The following SUPV3L1 variants were observed in gnomAD, a reference collection of about 807,000 sequenced individuals.
The protein encoded by SUPV3L1 is Suv3 like RNA helicase.
A neutral mutation model predicts 70.0 loss-of-function variants in SUPV3L1; 35 were observed. The ratio of observed to expected loss-of-function variants is 0.50; its 90% CI spans 0.38 to 0.66. The LOEUF (loss-of-function observed/expected upper bound fraction) is 0.66, where lower values mean the gene tolerates loss of function less well. Ranked by LOEUF, SUPV3L1 falls within the 30% of genes least tolerant of loss-of-function variation. The pLI is 0.00. For missense variants in SUPV3L1, 777 were observed against 961.5 expected, an observed-to-expected ratio of 0.81 and a Z score of 2.54; for synonymous variants, 364 against 341.9, an observed-to-expected ratio of 1.06 and a Z score of -0.71.
intron 5 of SUPV3L1, 125 bp from the exon 6 acceptor site, chr10:69,191,530 G>T: frequency 1.3e-6 from 1 of 768,976 alleles, no homozygotes. Flanking sequence ...TCTGGCCGTG[G>T]GAACATTATG....
At chr10:69,193,975 A>T (rs1450555449) in intron 6 of SUPV3L1, among the ~76,000 whole-genome samples, 1 of 152,202 alleles carries the variant, frequency 6.6e-6, no homozygotes, top group African/African-American at 2.4e-5. Flanking sequence ...CCAAGGAATT[A>T]TTCCTTCCAC....
chr10:69,190,197 A>G (rs1012994721), intron 5 of SUPV3L1, among the ~76,000 whole-genome samples: 2 of 152,224 alleles, frequency 1.3e-5, no homozygotes, highest in Admixed American at 6.5e-5. Flanking sequence ...CCTTTGCCCC[A>G]TCAGAGTTAA....
chr10:69,187,230 C>T (rs1361535384), intron 3 of SUPV3L1, among the ~76,000 whole-genome samples: 1 of 151,424 alleles, frequency 6.6e-6, no homozygotes, highest in Non-Finnish European at 1.5e-5. Context: ...TGGTTGCTAG[C>T]CAATTTCCTG....
intron 5 of SUPV3L1, among the ~76,000 whole-genome samples, chr10:69,189,754 C>T (rs184832500): frequency 3.4e-5 from 5 of 148,656 alleles, no homozygotes; most frequent in Non-Finnish European, 7.4e-5. Context: ...TCATGCCATT[C>T]TCTTGCCTCA....
chr10:69,191,371 G>C (rs1842392873), intron 5 of SUPV3L1, among the ~76,000 whole-genome samples: 1 of 151,668 alleles, frequency 6.6e-6, no homozygotes, highest in African/African-American at 2.4e-5. Context: ...TGGGACCACA[G>C]GTGTGCAACA....
chr10:69,207,335 T>C (rs1842857162), intron 13 of SUPV3L1, among the ~76,000 whole-genome samples: 1 of 152,156 alleles, frequency 6.6e-6, no homozygotes, highest in Non-Finnish European at 1.5e-5. Context: ...TTTTTGTTTT[T>C]TCTTTCTCCA....
chr10:69,195,162 G>A (rs539850597), intron 6 of SUPV3L1, 26 bp from the exon 7 acceptor site: 23 of 1,581,820 alleles, frequency 1.5e-5, no homozygotes, highest in Admixed American at 3.5e-5. Context: ...AGATGGTATT[G>A]CTCATGTTAA....
chr10:69,190,949 A>T (rs1030240379), intron 5 of SUPV3L1, among the ~76,000 whole-genome samples: 2 of 152,260 alleles, frequency 1.3e-5, no homozygotes, highest in African/African-American at 2.4e-5. Flanking sequence ...GATCACCCTG[A>T]TACAGCATTA....
intron 5 of SUPV3L1, among the ~76,000 whole-genome samples, chr10:69,190,278 T>TA: frequency 6.6e-6 from 1 of 152,348 alleles, no homozygotes; most frequent in South Asian, 2.1e-4. Flanking sequence ...GAGCTAATGA[T>TA]AAAGACTGAA....
In SUPV3L1 at chr10:69,198,543, C is replaced by A; in HGVS notation, c.1195C>A (p.Leu399Ile). 1 of 1,613,516 alleles carries A rather than the reference C, an allele frequency of 6.2e-7. No homozygotes were observed. The highest frequency in any genetic ancestry group is 8.5e-7 in the Non-Finnish European group (1 of 1,179,860). Residue 399 changes from leucine to isoleucine, a missense_variant, in exon 9 of 15, where the codon CTC (leucine) becomes ATC (isoleucine). This residue lies in a region of SUPV3L1 where 619 missense variants were observed against 823.3 expected (regional missense o/e 0.75). Coordinates refer to ENST00000359655, the MANE Select transcript of SUPV3L1 (RefSeq NM_003171.5). ...AGAATCAGCTGTTATATATGGCAGT[C>A]TCCCACCTGGTAATTATTGACTTTC... ...GLESAVIYGS[L>I]PPGTKLAQAK...
At position 69,180,304 on chromosome 10, in the gene SUPV3L1, C is replaced by A. The variant is rs1842010747; in HGVS notation, c.13C>A (p.Arg5Ser). MSFSRALLWARLPAG... is the reference protein window; with the variant it reads MSFSSALLWARLPAG... ...ACCTGCGGCCTCGATGTCCTTCTCC[C>A]GTGCCCTATTGTGGGCTCGGCTCCC... Residue 5 changes from arginine to serine, a missense_variant, in exon 1 of 15, where the codon CGT becomes AGT. Physicochemically the swap from Arg to Ser is moderately radical, Grantham distance 110 (BLOSUM62 -1). Coordinates refer to ENST00000359655, the MANE Select transcript of SUPV3L1 (RefSeq NM_003171.5). The A allele has an allele frequency of 3.7e-6, 6 of 1,613,664 alleles. No homozygotes were observed. Among genetic ancestry groups the A allele is most frequent in the Non-Finnish European group, 5.1e-6 (6 of 1,179,918 alleles).
intron 4 of SUPV3L1, among the ~76,000 whole-genome samples, chr10:69,188,988 A>G (rs956665681): frequency 6.6e-6 from 1 of 152,194 alleles, no homozygotes; most frequent in African/African-American, 2.4e-5. Flanking sequence ...GCTTAAATTT[A>G]TTTTTAGTAA....
chr10:69,197,203 A>G (rs979334209), intron 8 of SUPV3L1, 120 bp downstream of exon 8: 7 of 779,762 alleles, frequency 9.0e-6, no homozygotes, highest in Non-Finnish European at 1.5e-5. Flanking sequence ...AGAAAGCTTC[A>G]TTTTCTTGTG....
At chr10:69,192,445 T>C (rs536992748) in intron 6 of SUPV3L1, 1 of 152,362 alleles carries the variant, frequency 6.6e-6, no homozygotes, top group South Asian at 2.1e-4. Flanking sequence ...GTATTCTAGA[T>C]TGTTGTGTTT....
intron 13 of SUPV3L1, 24 bp downstream of exon 13, chr10:69,203,067 T>G (rs1464921058): frequency 2.5e-6 from 4 of 1,581,524 alleles, no homozygotes; most frequent in South Asian, 1.2e-5. Flanking sequence ...TTTAAGCTAT[T>G]TTGAGTTCCT....
At chr10:69,187,173 T>G (rs2132271418) in intron 3 of SUPV3L1, among the ~76,000 whole-genome samples, 1 of 152,264 alleles carries the variant, frequency 6.6e-6, no homozygotes, top group South Asian at 2.1e-4. Context: ...ATTTAACTTT[T>G]GCCAATGCTA....
chr10:69,195,471 C>G (rs1385989591), intron 7 of SUPV3L1: 1 of 394,232 alleles, frequency 2.5e-6, no homozygotes, highest in African/African-American at 2.1e-5. Flanking sequence ...ACTAGCATAA[C>G]CATGTAATTA....
At chr10:69,206,774 C>T (rs1842841492) in intron 13 of SUPV3L1, among the ~76,000 whole-genome samples, 2 of 152,204 alleles carry the variant, frequency 1.3e-5, no homozygotes, top group African/African-American at 2.4e-5. Context: ...TTTGGGAGGC[C>T]GAGGCGGGTG....
rs1255694451 is a variant in SUPV3L1, at chr10:69,207,786, C to T, written c.1777-7C>T. On this transcript the variant is annotated splice_region_variant and splice_polypyrimidine_tract_variant and intron_variant, in intron 13 of 14. Transcript: ENST00000359655. Reference sequence around the variant, plus strand: ...TCTCTGAAACCCTTTTCCTCTTTCTCTCTCAGTTTGCCAGGCAGTATAGCA... The same window carrying T: ...TCTCTGAAACCCTTTTCCTCTTTCTTTCTCAGTTTGCCAGGCAGTATAGCA... The T allele has an allele frequency of 6.2e-7, 1 of 1,609,356 alleles. No individual in the cohort carries two copies. The highest frequency in any genetic ancestry group is 2.2e-5 in the East Asian group (1 of 44,826).
Sources: gnomAD v4.1 joint callset for allele counts (sites outside exome capture counted in the v4.1 genomes callset) on GRCh38, gnomAD v4.1.1 for gene constraint, gnomAD v4.1.1 regional missense constraint, MANE v1.5 for transcripts, NCBI Gene and HGNC (gene_info 2026-07-23, HGNC 2026-07-21) for gene names.